Variants in PEAK1 observed in about 807,000 individuals in gnomAD.
The protein encoded by PEAK1 is pseudopodium enriched atypical kinase 1, also known as inactive tyrosine-protein kinase PEAK1.
A neutral mutation model predicts 124.7 loss-of-function variants in PEAK1; 54 were observed. The ratio of observed to expected loss-of-function variants is 0.43; its 90% CI spans 0.35 to 0.54. The LOEUF (loss-of-function observed/expected upper bound fraction) is 0.54, where lower values mean the gene tolerates loss of function less well. Among genes scored for constraint, PEAK1 ranks in the 20% least tolerant of loss-of-function variants. PEAK1 has a pLI of 0.01. For missense variants in PEAK1, 2,046 were observed against 2,134.5 expected (o/e 0.96, Z 0.82); for synonymous variants, 719 against 760.0 (o/e 0.95, Z 0.89).
chr15:77,123,757 A>G (rs1310344765), intron 9 of PEAK1, among the ~76,000 whole-genome samples: 2 of 152,208 alleles, frequency 1.3e-5, no homozygotes, highest in African/African-American at 4.8e-5. Flanking sequence ...AGAACAGGGA[A>G]GTTAAGTTCA....
intron 5 of PEAK1, among the ~76,000 whole-genome samples, chr15:77,279,112 TG>T (rs2062520083): frequency 1.4e-5 from 2 of 147,762 alleles, no homozygotes; most frequent in African/African-American, 5.2e-5. Flanking sequence ...TGCGTGTGTG[TG>T]TGTGTGTGTG....
intron 6 of PEAK1, among the ~76,000 whole-genome samples, chr15:77,242,285 ATGT>A (rs1409920671): frequency 6.6e-6 from 1 of 152,098 alleles, no homozygotes; most frequent in Non-Finnish European, 1.5e-5. Context: ...TTGATAATAC[ATGT>A]TGTTAAAATG....
intron 1 of PEAK1, among the ~76,000 whole-genome samples, chr15:77,382,895 C>T (rs918719453): frequency 7.2e-5 from 11 of 151,848 alleles, no homozygotes; most frequent in African/African-American, 2.7e-4. Flanking sequence ...AATATTCAGA[C>T]TACTACTAAA....
At chr15:77,308,465 T>G (rs1162380477) in intron 2 of PEAK1, among the ~76,000 whole-genome samples, 1 of 152,076 alleles carries the variant, frequency 6.6e-6, no homozygotes, top group Non-Finnish European at 1.5e-5. Context: ...ACCCCTCATT[T>G]GTATTTAAGT....
intron 6 of PEAK1, among the ~76,000 whole-genome samples, chr15:77,231,452 AG>A (rs1021582565): frequency 6.6e-6 from 1 of 152,256 alleles, no homozygotes; most frequent in Non-Finnish European, 1.5e-5. Context: ...TTGCAAGCAA[AG>A]GGAAGTAGCT....
chr15:77,298,032 T>G (rs1252013894), intron 2 of PEAK1, among the ~76,000 whole-genome samples: 1 of 110,588 alleles, frequency 9.0e-6, no homozygotes, highest in Admixed American at 1.4e-4. Flanking sequence ...CAGTCTGCAG[T>G]CCGGCCTGGG....
intron 9 of PEAK1, among the ~76,000 whole-genome samples, chr15:77,122,358 ACT>A (rs938488339): frequency 6.6e-6 from 1 of 151,820 alleles, no homozygotes; most frequent in Non-Finnish European, 1.5e-5. Flanking sequence ...AAAGCTTTTC[ACT>A]CTCCCACTCA....
intron 2 of PEAK1, chr15:77,351,743 C>G: frequency 1.0e-6 from 1 of 985,390 alleles, no homozygotes; most frequent in Non-Finnish European, 1.2e-6. Flanking sequence ...GAATAGGGCA[C>G]AGAGGTTCTC....
intron 2 of PEAK1, among the ~76,000 whole-genome samples, chr15:77,318,602 G>A (rs570099126): frequency 1.2e-3 from 175 of 150,590 alleles, no homozygotes; most frequent in Non-Finnish European, 2.1e-3. Context: ...TTCTGAAGAG[G>A]GATATGGTAA....
chr15:77,262,501 A>G (rs2061493740), intron 5 of PEAK1, among the ~76,000 whole-genome samples: 2 of 151,706 alleles, frequency 1.3e-5, no homozygotes, highest in East Asian at 3.9e-4. Context: ...AAAGATCAAA[A>G]GAGACAAAGA....
At chr15:77,122,089 C>T (rs902941859) in intron 9 of PEAK1, among the ~76,000 whole-genome samples, 2 of 152,158 alleles carry the variant, frequency 1.3e-5, no homozygotes, top group East Asian at 1.9e-4. Flanking sequence ...CTAAGACCCA[C>T]ACACACTCAA....
At chr15:77,358,361 C>A (rs564505635) in intron 2 of PEAK1, among the ~76,000 whole-genome samples, 9 of 152,306 alleles carry the variant, frequency 5.9e-5, no homozygotes, top group African/African-American at 1.4e-4. Flanking sequence ...GTCTCTTCTT[C>A]ATCTCCCATT....
At chr15:77,246,471 C>T (rs764088662) in intron 6 of PEAK1, among the ~76,000 whole-genome samples, 7 of 151,796 alleles carry the variant, frequency 4.6e-5, no homozygotes, top group Non-Finnish European at 1.0e-4. Flanking sequence ...CTACAGTGAG[C>T]GGTCTGGACC....
At chr15:77,141,923 G>C (rs1434034256) in intron 8 of PEAK1, among the ~76,000 whole-genome samples, 2 of 152,084 alleles carry the variant, frequency 1.3e-5, no homozygotes, top group East Asian at 3.8e-4. Context: ...TTGCAACCTT[G>C]GGTTAGGTAA....
At chr15:77,386,434 A>G (rs2069944810) in intron 1 of PEAK1, among the ~76,000 whole-genome samples, 1 of 152,222 alleles carries the variant, frequency 6.6e-6, no homozygotes, top group Non-Finnish European at 1.5e-5. Context: ...TTGGTAGCAC[A>G]AAGCTATTAA....
intron 1 of PEAK1, chr15:77,419,645 C>T (rs1422701136): frequency 3.0e-6 from 3 of 985,182 alleles, no homozygotes; most frequent in Non-Finnish European, 3.6e-6. Context: ...TTCACTTTCC[C>T]CCGCAACCTC....
intron 2 of PEAK1, among the ~76,000 whole-genome samples, chr15:77,344,316 G>A (rs1181644853): frequency 6.6e-6 from 1 of 151,928 alleles, no homozygotes; most frequent in Non-Finnish European, 1.5e-5. Flanking sequence ...GGATGGTCTC[G>A]ATCTCCTGAT....
chr15:77,268,261 T>C lies in PEAK1; in HGVS notation c.-275+15622A>G, dbSNP rs146949738. ...AGGCCGAGGTGGGCAGATCACTTGA[T>C]GTCAGGAGTTTGAGACCAGCCTGGC... On this transcript the variant is annotated intron_variant, in intron 5 of 9. Coordinates refer to ENST00000682557, the MANE Select transcript of PEAK1 (RefSeq NM_001385026.1). Among the ~76,000 whole-genome samples the C allele has an allele frequency of 1.0e-3, 154 of 152,232 alleles. 1 individual carries two copies. In the East Asian group the frequency reaches 0.029, roughly 29 times the overall value.
chr15:77,255,320 C>T, intron 5 of PEAK1: 2 of 907,046 alleles, frequency 2.2e-6, no homozygotes, highest in Non-Finnish European at 2.6e-6. Flanking sequence ...ATTTTACTAA[C>T]AATGGAAATT....
Sources: gnomAD v4.1 joint callset for allele counts (sites outside exome capture counted in the v4.1 genomes callset) on GRCh38, gnomAD v4.1.1 for gene constraint, MANE v1.5 for transcripts, NCBI Gene and HGNC (gene_info 2026-07-23, HGNC 2026-07-21) for gene names.